Variants in DDX25 observed in about 807,000 individuals in gnomAD.
DDX25 encodes the protein DEAD-box helicase 25.
In DDX25, 70 loss-of-function variants were observed where a neutral mutation model predicts 64.6. That is an observed-to-expected ratio of 1.08 (90% CI 0.89 to 1.32). The LOEUF (loss-of-function observed/expected upper bound fraction) is 1.32. Ranked by LOEUF, DDX25 falls within the 40% of genes most tolerant of loss-of-function variation. DDX25 has a pLI of 0.00. For synonymous variants in DDX25, 211 were observed against 213.3 expected, an observed-to-expected ratio of 0.99 and a Z score of 0.09; for missense variants, 587 against 604.4, an observed-to-expected ratio of 0.97 and a Z score of 0.30.
rs1465072051 is a variant in DDX25, at chr11:125,921,387, G to C, written c.1390+8G>C. On this transcript the variant is annotated splice_region_variant and intron_variant, in intron 11 of 11. Coordinates refer to ENST00000263576, the MANE Select transcript of DDX25 (RefSeq NM_013264.5). The surrounding 1 kb of genome is among the most constrained non-coding windows in gnomAD (Gnocchi z 4.1). ...AAATCCAGGACCACTTTAGTAAGTAGCACCACCCTCACAATATGAACTACA... is the reference window on the plus strand; with the variant it reads ...AAATCCAGGACCACTTTAGTAAGTACCACCACCCTCACAATATGAACTACA... 2 of 1,612,286 alleles carry C rather than the reference G, an allele frequency of 1.2e-6. No homozygotes were observed. Among genetic ancestry groups the C allele is most frequent in the Non-Finnish European group, 1.7e-6 (2 of 1,178,916 alleles).
chr11:125,910,034 C>T (rs1944946580), intron 6 of DDX25, among the ~76,000 whole-genome samples: 1 of 152,102 alleles, frequency 6.6e-6, no homozygotes, highest in Non-Finnish European at 1.5e-5. Context: ...TTCATTGATT[C>T]CCAGCTTCCC....
Position 125,922,986 on chromosome 11 carries a change from TCA to T in DDX25, c.*108_*109del. 1.0e-6 allele frequency: 1 copy of T among 993,918 alleles called. No homozygotes were observed. Among genetic ancestry groups the T allele is most frequent in the South Asian group, 1.9e-5 (1 of 53,968 alleles). The allele number at this position is 993,918 out of a possible 1,614,324, so 61.6% of individuals were successfully genotyped here. A position where few individuals can be genotyped will look rare whatever the true frequency, so the allele number is the denominator to read the frequency against. Reference sequence around the variant, plus strand: ...TTGAGGCTTTTTCGACGTGAAACTGTCACAGATGGCAAAATAAATGTCACGGT... The same window carrying T: ...TTGAGGCTTTTTCGACGTGAAACTGTCAGATGGCAAAATAAATGTCACGGT... On this transcript the variant is annotated 3_prime_UTR_variant, in exon 12 of 12. Transcript: ENST00000263576.
chr11:125,911,804 C>G (rs1944972435), intron 8 of DDX25, among the ~76,000 whole-genome samples: 1 of 152,196 alleles, frequency 6.6e-6, no homozygotes, highest in Non-Finnish European at 1.5e-5. Context: ...TAAAGAGGAT[C>G]TGTTAAAGCC....
chr11:125,928,452 A>C lies in DDX25; in HGVS notation c.*5571A>C, dbSNP rs1456331985. 1 of 152,158 alleles carries C rather than the reference A, an allele frequency of 6.6e-6. No individual in the cohort carries two copies. Among genetic ancestry groups the C allele is most frequent in the Non-Finnish European group, 1.5e-5 (1 of 68,024 alleles). 9.4% of individuals were successfully genotyped at this position (152,158 alleles called of 1,614,324 possible). On this transcript the variant is annotated 3_prime_UTR_variant, in exon 12 of 12. Transcript: ENST00000263576. The stretch of plus-strand genomic sequence containing the variant: ...AAATATCTTCTCGCCCAATATTCCG[A>C]ATTATTTCTTAAGATTAGAGACATT...
At chr11:125,905,372 T>C in intron 2 of DDX25, 94 bp downstream of exon 2, 1 of 1,422,758 alleles carries the variant, frequency 7.0e-7, no homozygotes, top group Non-Finnish European at 9.7e-7. Flanking sequence ...CACCGCGGAT[T>C]CATTAGTGTG....
rs763531991 is a variant in DDX25 at position 125,922,843 on chromosome 11, G to A, written c.1414G>A (p.Ala472Thr). 8.1e-6 allele frequency: 13 copies of A among 1,609,846 alleles called. No homozygotes were observed. The Admixed American group carries it at 8.4e-5, about 10-fold the overall frequency. ...HFNSSIKQLN[A>T]EDMDEIEKID... The stretch of plus-strand genomic sequence containing the variant: ...AGACAGCAGTATTAAGCAACTCAAC[G>A]CTGAAGACATGGATGAAATTGAAAA... The change falls in exon 12 of 12, where the codon GCT (alanine) becomes ACT (threonine). Residue 472 changes from alanine to threonine, a missense_variant. Ala to Thr is a moderately conservative substitution (Grantham distance 58). Transcript: ENST00000263576.
chr11:125,926,988 A>C lies in DDX25; in HGVS notation c.*4107A>C, dbSNP rs1226013668. On this transcript the variant is annotated 3_prime_UTR_variant, in exon 12 of 12. Transcript: ENST00000263576. The stretch of plus-strand genomic sequence containing the variant: ...GGGTCCCTCAGAAGGATGGGTCTGG[A>C]CTTCCCACACCCTCCTTCGCTGCCC... The C allele has an allele frequency of 1.3e-5, 2 of 152,140 alleles. No homozygotes were observed. The highest frequency in any genetic ancestry group is 2.9e-5 in the Non-Finnish European group (2 of 68,146). 9.4% of individuals were successfully genotyped at this position (152,140 alleles called of 1,614,324 possible). A position where few individuals can be genotyped will look rare whatever the true frequency, so the allele number is the denominator to read the frequency against.
intron 3 of DDX25, 58 bp downstream of exon 3, chr11:125,905,655 TAATA>T: frequency 1.4e-6 from 2 of 1,481,180 alleles, no homozygotes; most frequent in Non-Finnish European, 1.8e-6. Context: ...TTTATAACTT[TAATA>T]GTGTGAGTGA....
chr11:125,917,779 G>A (rs1169404469), intron 9 of DDX25, among the ~76,000 whole-genome samples: 1 of 152,192 alleles, frequency 6.6e-6, no homozygotes, highest in Non-Finnish European at 1.5e-5. Flanking sequence ...TAGAATAAAA[G>A]AAAGCTCAGC....
chr11:125,906,962 C>A (rs919684307), intron 4 of DDX25, among the ~76,000 whole-genome samples: 3 of 152,126 alleles, frequency 2.0e-5, no homozygotes, highest in African/African-American at 7.2e-5. Flanking sequence ...TAGGCACAGC[C>A]AGATTGCCCC....
intron 8 of DDX25, among the ~76,000 whole-genome samples, chr11:125,913,157 CAAAAAAAAA>C (rs1267424794): frequency 2.9e-5 from 2 of 68,494 alleles, no homozygotes; most frequent in African/African-American, 1.1e-4. Flanking sequence ...GACTCCATTT[CAAAAAAAAA>C]AAAAAAAAAC....
rs1303991175 is a variant in DDX25, at chr11:125,917,215, C to T, written c.1002C>T (p.Gly334=). Residue 334 remains glycine, a synonymous_variant, in exon 9 of 12, where the codon GGC becomes GGT. Coordinates refer to ENST00000263576, the MANE Select transcript of DDX25 (RefSeq NM_013264.5). ...DKYQALCNIY[G]SITIGQAIIF... ...ACCAAGCTCTGTGCAACATTTATGG[C>T]AGCATCACCATTGGTCAGGCCATCA... The T allele has an allele frequency of 1.2e-6, 2 of 1,609,134 alleles. No homozygotes were observed. Among genetic ancestry groups the T allele is most frequent in the African/African-American group, 1.3e-5 (1 of 74,874 alleles).
rs1486161105 is a variant in DDX25 at position 125,928,067 on chromosome 11, C to A, written c.*5186C>A. ...ATTGGTTCCTTCCCCATGTGACCAT[C>A]TCTTCATTCAAAGCTTAGGCTGAAT... On this transcript the variant is annotated 3_prime_UTR_variant, in exon 12 of 12. Transcript: ENST00000263576. 6.6e-6 allele frequency: 1 copy of A among 152,198 alleles called. No homozygotes were observed. Among genetic ancestry groups the A allele is most frequent in the African/African-American group, 2.4e-5 (1 of 41,444 alleles). 9.4% of individuals were successfully genotyped at this position (152,198 alleles called of 1,614,324 possible). A position where few individuals can be genotyped will look rare whatever the true frequency, so the allele number is the denominator to read the frequency against.
In DDX25 at chr11:125,905,553, A is replaced by G. The variant is rs2134271742; in HGVS notation, c.131A>G (p.Asp44Gly). 6.4e-7 allele frequency: 1 copy of G among 1,551,530 alleles called. No homozygotes were observed. The highest frequency in any genetic ancestry group is 8.7e-7 in the Non-Finnish European group (1 of 1,146,774). Residue 44 changes from aspartate to glycine, a missense_variant and splice_region_variant, in exon 3 of 12, where the codon GAT becomes GGT. Asp to Gly is a moderately conservative substitution (Grantham distance 94). Coordinates refer to ENST00000263576, the MANE Select transcript of DDX25 (RefSeq NM_013264.5). ...ATTGTTTCTCTTCCATCCTTTCCAG[A>G]TGGTTCTATTAATAACATCAATGAA... is the stretch of plus-strand genomic sequence containing the variant. Reference protein sequence around the residue: ...GIKSTAVRNIDGSINNINEDD... With the variant: ...GIKSTAVRNIGGSINNINEDD...
chr11:125,911,484 C>T lies in DDX25; in HGVS notation c.796C>T (p.Gln266Ter). 6.2e-7 allele frequency: 1 copy of T among 1,613,360 alleles called. No homozygotes were observed. Among genetic ancestry groups the T allele is most frequent in the Non-Finnish European group, 8.5e-7 (1 of 1,179,622 alleles). Residue 266 changes from glutamine to a stop codon, truncating the protein, a stop_gained, in exon 8 of 12, where the codon CAA becomes TAA. Transcript: ENST00000263576. LOFTEE classifies it high-confidence loss of function. Reference sequence around the variant, plus strand: ...ATTCTCAGATCATAGTATTCGTATTCAAAGGTAATCTTCAGAGTCTTCCTC... The same window carrying T: ...ATTCTCAGATCATAGTATTCGTATTTAAAGGTAATCTTCAGAGTCTTCCTC... The part of the protein sequence containing the change: ...QGFSDHSIRI[Q>*]RALPSECQML...
At chr11:125,920,636 G>GTC (rs922273449) in intron 10 of DDX25, among the ~76,000 whole-genome samples, 5 of 152,128 alleles carry the variant, frequency 3.3e-5, no homozygotes, top group African/African-American at 4.8e-5. Flanking sequence ...GGTTTTGAAC[G>GTC]TAAGTGTGCT....
chr11:125,913,522 A>G (rs999640334), intron 8 of DDX25, among the ~76,000 whole-genome samples: 3 of 152,190 alleles, frequency 2.0e-5, no homozygotes, highest in Non-Finnish European at 1.5e-5. Context: ...AAAACAGAAA[A>G]GTTTTTAAAA....
chr11:125,910,302 T>C (rs1944949194), intron 6 of DDX25, 62 bp from the exon 7 acceptor site: 1 of 1,413,170 alleles, frequency 7.1e-7, no homozygotes, highest in Non-Finnish European at 9.9e-7. Context: ...TTTATTGCAG[T>C]TGAAATTTGA....
chr11:125,907,514 A>G (rs1238131116), intron 4 of DDX25, among the ~76,000 whole-genome samples: 3 of 152,116 alleles, frequency 2.0e-5, no homozygotes, highest in Non-Finnish European at 4.4e-5. Context: ...AGGCTGAGGC[A>G]GGAGAATGGC....
Sources: allele counts gnomAD v4.1 joint callset (sites outside exome capture counted in the v4.1 genomes callset), GRCh38; gene constraint gnomAD v4.1.1; non-coding constraint Gnocchi (gnomAD v3.1); transcripts MANE v1.5; gene names NCBI Gene and HGNC (gene_info 2026-07-23, HGNC 2026-07-21).